Variants in RAG1 observed in about 807,000 individuals in gnomAD.
RAG1 encodes the protein V(D)J recombination-activating protein 1.
Under a neutral mutation model 62.7 loss-of-function variants are expected in RAG1, and 35 were observed. The ratio of observed to expected loss-of-function variants is 0.56; its 90% CI spans 0.43 to 0.74. The LOEUF is 0.74. RAG1 is among the 30% of genes least tolerant of loss of function. The pLI is 0.00. For synonymous variants in RAG1, 461 were observed against 470.3 expected, an observed-to-expected ratio of 0.98 and a Z score of 0.26; for missense variants, 1,169 against 1,278.6, an observed-to-expected ratio of 0.91 and a Z score of 1.31.
intron 2 of RAG1, among the ~76,000 whole-genome samples, chr11:36,524,489 ATTT>A (rs199510458): frequency 5.1e-5 from 7 of 137,010 alleles, no homozygotes; most frequent in African/African-American, 1.1e-4. Flanking sequence ...GGTGTGTGCT[ATTT>A]TTTTTTTTTT....
chr11:36,573,519 A>C lies in RAG1; in HGVS notation c.215A>C (p.Gln72Pro), dbSNP rs781240450. The change falls in exon 2 of 2, where the codon CAG (glutamine) becomes CCG (proline). Residue 72 changes from glutamine (Q) to proline (P), a missense_variant. By Grantham distance (76) the Gln-to-Pro change is moderately conservative. Transcript: ENST00000299440. Reference protein sequence around the residue: ...SPAVLDKADGQKPVPTQPLLK... With the variant: ...SPAVLDKADGPKPVPTQPLLK... Reference sequence around the variant, plus strand: ...GCAGTCCTGGACAAGGCTGATGGTCAGAAGCCAGTCCCAACTCAGCCATTG... The same window carrying C: ...GCAGTCCTGGACAAGGCTGATGGTCCGAAGCCAGTCCCAACTCAGCCATTG... 6.2e-7 allele frequency: 1 copy of C among 1,614,248 alleles called. No individual in the cohort carries two copies. Among genetic ancestry groups the C allele is most frequent in the East Asian group, 2.2e-5 (1 of 44,892 alleles).
At chr11:36,565,457 T>A (rs150640980), upstream of RAG1, among the ~76,000 whole-genome samples, 1 of 152,246 alleles carries the variant, frequency 6.6e-6, no homozygotes, top group African/African-American at 2.4e-5. Context: ...GAAGGGCCTG[T>A]CGGCACTTCA....
At chr11:36,511,496 A>G (rs1859921962) in intron 1 of RAG1, among the ~76,000 whole-genome samples, 1 of 152,134 alleles carries the variant, frequency 6.6e-6, no homozygotes, top group African/African-American at 2.4e-5. Flanking sequence ...ACTAGGACAT[A>G]GTATGGGCTC....
rs1420891874 is a variant in RAG1, at chr11:36,576,110, A to G, written c.2806A>G (p.Thr936Ala). ...KFKYRYEGKI[T>A]NYFHKTLAHV... ...CAAGTATAGGTATGAGGGAAAAATC[A>G]CCAATTATTTTCACAAAACCCTGGC... Residue 936 changes from threonine to alanine, a missense_variant, in exon 2 of 2, where the codon ACC (threonine) becomes GCC (alanine). Thr to Ala is a moderately conservative substitution (Grantham distance 58). Around this residue, in one of 2 missense-constraint regions of RAG1, gnomAD observed 800 missense variants for 943.3 expected, o/e 0.85. Transcript: ENST00000299440. The G allele has an allele frequency of 1.4e-5, 22 of 1,613,918 alleles. No homozygotes were observed. The highest frequency in any genetic ancestry group is 1.8e-5 in the Non-Finnish European group (21 of 1,180,052).
In RAG1 at chr11:36,533,220, G is replaced by T. The variant is rs146468736; in HGVS notation, n.429-2739G>T. The stretch of plus-strand genomic sequence containing the variant: ...CCATGGTATAAAACCCGAGGAGGGG[G>T]TGCTACTTTCTGGGGTCCCTCAGCT... On this transcript the variant is annotated intron_variant and non_coding_transcript_variant, in intron 2 of 2. Coordinates refer to the RAG1 transcript ENST00000529126. Among the ~76,000 whole-genome samples the T allele has an allele frequency of 3.3e-3, 501 of 152,262 alleles. 1 individual carries two copies. Among genetic ancestry groups the T allele is most frequent in the African/African-American group, 0.011 (451 of 41,552 alleles).
intron 3 of RAG1, among the ~76,000 whole-genome samples, chr11:36,547,363 A>G (rs1372763388): frequency 6.6e-6 from 1 of 152,190 alleles, no homozygotes; most frequent in Non-Finnish European, 1.5e-5. Flanking sequence ...GATCAACAAA[A>G]TGGATAGACT....
intron 1 of RAG1, among the ~76,000 whole-genome samples, chr11:36,570,850 C>T (rs112287696): frequency 3.2e-3 from 480 of 152,272 alleles, no homozygotes; most frequent in African/African-American, 0.01. Flanking sequence ...AGATATTTTA[C>T]CTATTTTAAA....
At chr11:36,531,397 CTG>C (rs1860252752) in intron 2 of RAG1, among the ~76,000 whole-genome samples, 1 of 151,712 alleles carries the variant, frequency 6.6e-6, no homozygotes, top group South Asian at 2.1e-4. Context: ...TTTCATTTCT[CTG>C]TTTTCTTTTT....
intron 1 of RAG1, among the ~76,000 whole-genome samples, chr11:36,571,214 A>G (rs1850735514): frequency 1.3e-5 from 2 of 152,234 alleles, no homozygotes; most frequent in South Asian, 4.1e-4. Flanking sequence ...GTGAAAGTCA[A>G]TATTAAACTT....
chr11:36,519,135 G>A (rs370750716), intron 1 of RAG1, among the ~76,000 whole-genome samples: 19 of 151,960 alleles, frequency 1.3e-4, no homozygotes, highest in African/African-American at 4.3e-4. Flanking sequence ...TTTTCTTAAG[G>A]CATTTATTAA....
chr11:36,512,219 A>T (rs1859935854), intron 1 of RAG1, among the ~76,000 whole-genome samples: 1 of 152,210 alleles, frequency 6.6e-6, no homozygotes, highest in African/African-American at 2.4e-5. Context: ...GATGCATATC[A>T]TTCCTAGGTC....
At chr11:36,538,187 T>C (rs147669316), downstream of RAG1, among the ~76,000 whole-genome samples, 278 of 152,316 alleles carry the variant, frequency 1.8e-3, 1 homozygote, top group African/African-American at 6.3e-3. Flanking sequence ...AATTTCTTCA[T>C]AGATATCACA....
chr11:36,543,666 T>C (rs1850348521), intron 3 of RAG1, among the ~76,000 whole-genome samples: 1 of 152,182 alleles, frequency 6.6e-6, no homozygotes, highest in Admixed American at 6.5e-5. Context: ...TCAAGAAATA[T>C]TGATAACATG....
In RAG1 at chr11:36,574,027, C is replaced by T; in HGVS notation, c.723C>T (p.Asp241=). The stretch of plus-strand genomic sequence containing the variant: ...GCAAAAAACTCAAAACTGTGCTTGA[C>T]CAAGCAAGACAAGCCCGTCAGCACA... ...QLSKKLKTVL[D]QARQARQHKR... is the part of the protein sequence containing the mutation. Residue 241 remains aspartate (D), a synonymous_variant, in exon 2 of 2, where the codon GAC becomes GAT. Coordinates refer to ENST00000299440, the MANE Select transcript of RAG1 (RefSeq NM_000448.3). The T allele has an allele frequency of 6.2e-7, 1 of 1,614,128 alleles. No homozygotes were observed. Among genetic ancestry groups the T allele is most frequent in the Non-Finnish European group, 8.5e-7 (1 of 1,180,032 alleles).
At chr11:36,573,249 ATTGATATTGGTCTT>A in intron 1 of RAG1, 28 bp from the exon 2 acceptor site, 1 of 1,590,386 alleles carries the variant, frequency 6.3e-7, no homozygotes, top group Non-Finnish European at 8.6e-7. Context: ...TCAGTGGGAT[ATTGATATTGGTCTT>A]AATATGACTT....
At chr11:36,570,468 T>C (rs1850723961) in intron 1 of RAG1, among the ~76,000 whole-genome samples, 3 of 152,166 alleles carry the variant, frequency 2.0e-5, no homozygotes, top group Admixed American at 2.0e-4. Flanking sequence ...TAAAAAATAG[T>C]GCAGCAATAA....
rs1403181909 is a variant in RAG1, at chr11:36,574,696, C to G, written c.1392C>G (p.Gly464=). Residue 464 remains glycine, a synonymous_variant, in exon 2 of 2, where the codon GGC becomes GGG. Transcript: ENST00000299440. ...CCATCATGCAGGGAAAGGGCTCTGG[C>G]CTGCAGCCAGCTGTTTGCTTGGCCA... ...LEAIMQGKGS[G]LQPAVCLAIR... is the part of the protein sequence containing the mutation. The G allele has an allele frequency of 4.3e-6, 7 of 1,614,094 alleles. No homozygotes were observed. The highest frequency in any genetic ancestry group is 1.3e-5 in the African/African-American group (1 of 74,936).
chr11:36,521,612 G>A (rs1860081475), intron 2 of RAG1, among the ~76,000 whole-genome samples: 1 of 152,146 alleles, frequency 6.6e-6, no homozygotes, highest in Non-Finnish European at 1.5e-5. Flanking sequence ...AGTGGGTGCT[G>A]CTGAAAAGAT....
chr11:36,575,478 G>C lies in RAG1; in HGVS notation c.2174G>C (p.Gly725Ala). Residue 725 changes from glycine (G) to alanine (A), a missense_variant, in exon 2 of 2, where the codon GGC becomes GCC. By Grantham distance (60) the Gly-to-Ala change is moderately conservative. This residue lies in a region of RAG1 where 800 missense variants were observed against 943.3 expected (regional missense o/e 0.85). Coordinates refer to ENST00000299440, the MANE Select transcript of RAG1 (RefSeq NM_000448.3). This position sits in a 1 kb window ranked among gnomAD's most constrained non-coding sequence, Gnocchi z 4.1. ...VREVEGLEAS[G>A]SVYICTLCDA... Reference sequence around the variant, plus strand: ...GAAGTGGAAGGCCTCGAGGCTTCTGGCTCAGTCTACATTTGTACTCTTTGT... The same window carrying C: ...GAAGTGGAAGGCCTCGAGGCTTCTGCCTCAGTCTACATTTGTACTCTTTGT... 1 of 1,614,148 alleles carries C rather than the reference G, an allele frequency of 6.2e-7. No homozygotes were observed. The highest frequency in any genetic ancestry group is 8.5e-7 in the Non-Finnish European group (1 of 1,180,024).
Sources: gnomAD v4.1 joint callset for allele counts (sites outside exome capture counted in the v4.1 genomes callset) on GRCh38, gnomAD v4.1.1 for gene constraint, gnomAD v4.1.1 regional missense constraint, Gnocchi (gnomAD v3.1) non-coding constraint, MANE v1.5 for transcripts, NCBI Gene and HGNC (gene_info 2026-07-23, HGNC 2026-07-21) for gene names.